Variants in ZMAT4 observed in about 807,000 individuals in gnomAD.
ZMAT4 encodes zinc finger matrin-type protein 4.
ZMAT4 carries 17 observed loss-of-function variants against 28.7 expected under a neutral mutation model. That is an observed-to-expected ratio of 0.59 (90% CI 0.41 to 0.89). ZMAT4 has a LOEUF of 0.89. Among genes scored for constraint, ZMAT4 ranks in the 40% least tolerant of loss-of-function variants. ZMAT4 has a pLI of 0.00. For synonymous variants in ZMAT4, 117 were observed against 109.2 expected (o/e 1.07, Z -0.44); for missense variants, 240 against 283.8 (o/e 0.85, Z 1.11).
At chr8:40,689,513 G>T (rs1183054774) in intron 4 of ZMAT4, among the ~76,000 whole-genome samples, 1 of 152,208 alleles carries the variant, frequency 6.6e-6, no homozygotes, top group African/African-American at 2.4e-5. Context: ...TGAGAATTTT[G>T]AGGCTGATAT....
intron 6 of ZMAT4, among the ~76,000 whole-genome samples, chr8:40,540,896 A>T: frequency 6.6e-6 from 1 of 152,206 alleles, no homozygotes; most frequent in East Asian, 1.9e-4. Flanking sequence ...CCAAGATGCC[A>T]GGCCAGGAAT....
rs549366586 is a variant in ZMAT4 at position 40,729,944 on chromosome 8, T to TA, written c.193-32544dup. On this transcript the variant is annotated intron_variant, in intron 3 of 6. Coordinates refer to ENST00000297737, the MANE Select transcript of ZMAT4 (RefSeq NM_024645.3). ...AAAAACAAAATTATTTGGCATTGAT[T>TA]AAAACATGGTTGATCAGGCATAAAC... 1.7e-3 allele frequency among the ~76,000 whole-genome samples: 265 copies of TA among 152,334 alleles called. 1 individual carries two copies. The highest frequency in any genetic ancestry group is 6.1e-3 in the African/African-American group (252 of 41,578).
chr8:40,577,233 G>C (rs1804297338), intron 6 of ZMAT4, among the ~76,000 whole-genome samples: 1 of 152,028 alleles, frequency 6.6e-6, no homozygotes, highest in Non-Finnish European at 1.5e-5. Flanking sequence ...TCCCATTTCT[G>C]TTGTAGCAGT....
chr8:40,587,258 A>T (rs1280356914), intron 5 of ZMAT4, among the ~76,000 whole-genome samples: 1 of 152,218 alleles, frequency 6.6e-6, no homozygotes, highest in Non-Finnish European at 1.5e-5. Flanking sequence ...GCAAACCAGT[A>T]CTACAGAAAT....
chr8:40,613,180 C>CTTTTTTTTTTTTTTTTT (rs34687121), intron 5 of ZMAT4, among the ~76,000 whole-genome samples: 3 of 79,968 alleles, frequency 3.8e-5, no homozygotes, highest in Non-Finnish European at 6.5e-5. Flanking sequence ...TACTTTCTTT[C>CTTTTTTTTTTTTTTTTT]TTTTTTTTTT....
rs543556365 is a variant in ZMAT4 at position 40,791,314 on chromosome 8, T to C, written c.103-23584A>G. 1.3e-4 allele frequency among the ~76,000 whole-genome samples: 20 copies of C among 152,312 alleles called. No homozygotes were observed. The South Asian group carries it at 3.9e-3, about 30-fold the overall frequency. ...AATCATGATGGAATAAGAGGTAACATGGAAGCGCTCCTAGGAGCTCCAAAG... is the reference window on the plus strand; with the variant it reads ...AATCATGATGGAATAAGAGGTAACACGGAAGCGCTCCTAGGAGCTCCAAAG... On this transcript the variant is annotated intron_variant, in intron 2 of 6. Transcript: ENST00000297737.
intron 3 of ZMAT4, among the ~76,000 whole-genome samples, chr8:40,727,709 G>A (rs1256730633): frequency 1.3e-5 from 2 of 152,124 alleles, no homozygotes; most frequent in African/African-American, 4.8e-5. Flanking sequence ...ATAAAGTATA[G>A]AACTTTTATA....
chr8:40,653,574 CACTAATGATCTT>C (rs1262078628), intron 5 of ZMAT4, among the ~76,000 whole-genome samples: 7 of 152,038 alleles, frequency 4.6e-5, no homozygotes, highest in African/African-American at 9.7e-5. Context: ...GAGAGGACAT[CACTAATGATCTT>C]ACTAATGATC....
At chr8:40,772,199 TA>T (rs1282912626) in intron 2 of ZMAT4, among the ~76,000 whole-genome samples, 9 of 152,184 alleles carry the variant, frequency 5.9e-5, no homozygotes, top group African/African-American at 2.2e-4. Flanking sequence ...AACCAGAAAT[TA>T]CCAACTCTTC....
At chr8:40,586,265 C>CA (rs1431835768) in intron 5 of ZMAT4, among the ~76,000 whole-genome samples, 5 of 152,038 alleles carry the variant, frequency 3.3e-5, no homozygotes, top group Non-Finnish European at 7.4e-5. Context: ...CTTATTAAAC[C>CA]AAAAAATGCT....
At chr8:40,620,575 T>A (rs779971177) in intron 5 of ZMAT4, among the ~76,000 whole-genome samples, 7 of 152,234 alleles carry the variant, frequency 4.6e-5, no homozygotes, top group Non-Finnish European at 8.8e-5. Flanking sequence ...GATTTTGAGA[T>A]GCTCTCGATG....
chr8:40,706,915 T>C (rs1024304344), intron 3 of ZMAT4, among the ~76,000 whole-genome samples: 2 of 152,174 alleles, frequency 1.3e-5, no homozygotes, highest in African/African-American at 4.8e-5. Context: ...CCCACTAGAC[T>C]AAGCTCCTTC....
In ZMAT4 at chr8:40,773,655, G is replaced by C. The variant is rs1248555561; in HGVS notation, c.103-5925C>G. On this transcript the variant is annotated intron_variant, in intron 2 of 6. Coordinates refer to ENST00000297737, the MANE Select transcript of ZMAT4 (RefSeq NM_024645.3). The stretch of plus-strand genomic sequence containing the variant: ...ATTTAATTCAAGAAAATATCAACAG[G>C]GTAAAAGCTGAAAGATGAGATAAGA... Among the ~76,000 whole-genome samples, 4 of 152,042 alleles carry C rather than the reference G, an allele frequency of 2.6e-5. No homozygotes were observed. In the South Asian group the frequency reaches 8.3e-4, roughly 32 times the overall value.
At chr8:40,756,282 A>G (rs1190333810) in intron 3 of ZMAT4, among the ~76,000 whole-genome samples, 3 of 151,830 alleles carry the variant, frequency 2.0e-5, no homozygotes, top group Non-Finnish European at 4.4e-5. Flanking sequence ...TTGTGGAGAA[A>G]GGTGCTCCAG....
At chr8:40,808,290 T>C (rs911243360) in intron 2 of ZMAT4, among the ~76,000 whole-genome samples, 64 of 151,910 alleles carry the variant, frequency 4.2e-4, no homozygotes, top group African/African-American at 1.5e-3. Flanking sequence ...AGGAAACTAC[T>C]ATGAGAACAC....
At chr8:40,756,987 C>T (rs1030305616) in intron 3 of ZMAT4, among the ~76,000 whole-genome samples, 2 of 152,140 alleles carry the variant, frequency 1.3e-5, no homozygotes, top group African/African-American at 4.8e-5. Flanking sequence ...CATGTCTTTT[C>T]TCCCTGAGGC....
intron 1 of ZMAT4, among the ~76,000 whole-genome samples, chr8:40,873,295 G>A (rs953799776): frequency 1.4e-4 from 22 of 152,126 alleles, no homozygotes; most frequent in African/African-American, 4.8e-4. Context: ...CCACTTATCA[G>A]GATTTAATGG....
At chr8:40,676,546 C>T (rs540282371) in intron 4 of ZMAT4, among the ~76,000 whole-genome samples, 96 of 152,138 alleles carry the variant, frequency 6.3e-4, no homozygotes, top group African/African-American at 2.1e-3. Flanking sequence ...ACCAATTAAC[C>T]AACACCCCAA....
intron 5 of ZMAT4, among the ~76,000 whole-genome samples, chr8:40,611,426 C>T (rs893835642): frequency 6.6e-6 from 1 of 152,008 alleles, no homozygotes; most frequent in African/African-American, 2.4e-5. Context: ...CTGCAAGCTC[C>T]GCCTCCCAGG....
Sources: gnomAD v4.1 joint callset for allele counts (sites outside exome capture counted in the v4.1 genomes callset) on GRCh38, gnomAD v4.1.1 for gene constraint, MANE v1.5 for transcripts, NCBI Gene and HGNC (gene_info 2026-07-23, HGNC 2026-07-21) for gene names.